Variants in TBL1XR1 observed in about 807,000 individuals in gnomAD.
TBL1XR1 encodes F-box-like/WD repeat-containing protein TBL1XR1.
In TBL1XR1, 5 loss-of-function variants were observed where a neutral mutation model predicts 66.9. The observed-to-expected ratio is 0.07, with a 90% confidence interval of 0.04 to 0.16. The LOEUF (loss-of-function observed/expected upper bound fraction) is 0.16, where lower values mean the gene tolerates loss of function less well. TBL1XR1 is among the 10% of genes least tolerant of loss of function. The pLI is 1.00. For synonymous variants in TBL1XR1, 210 were observed against 206.0 expected, an observed-to-expected ratio of 1.02 and a Z score of -0.17; for missense variants, 238 against 623.2, an observed-to-expected ratio of 0.38 and a Z score of 6.58.
chr3:177,058,659 T>TAA (rs1718117346), intron 3 of TBL1XR1, among the ~76,000 whole-genome samples: 2 of 152,220 alleles, frequency 1.3e-5, no homozygotes, highest in African/African-American at 4.8e-5. Context: ...CTGAAGGGGA[T>TAA]ATAAGCATTT....
chr3:177,044,319 A>G (rs1716022063), intron 10 of TBL1XR1, among the ~76,000 whole-genome samples: 1 of 152,198 alleles, frequency 6.6e-6, no homozygotes, highest in Admixed American at 6.5e-5. Context: ...GGAAATCTGC[A>G]CATAGCTTTT....
intron 2 of TBL1XR1, among the ~76,000 whole-genome samples, chr3:177,077,841 T>A (rs79149340): frequency 6.6e-6 from 1 of 152,360 alleles, no homozygotes; most frequent in East Asian, 1.9e-4. Flanking sequence ...GCAGTTTTAT[T>A]GCTCTTCTCA....
chr3:177,030,565 C>T (rs1713837877), intron 14 of TBL1XR1, among the ~76,000 whole-genome samples: 2 of 152,012 alleles, frequency 1.3e-5, no homozygotes. Flanking sequence ...TGGAGGTGAA[C>T]ACTTTATCTG....
At chr3:177,074,386 G>C (rs142072823) in intron 2 of TBL1XR1, among the ~76,000 whole-genome samples, 1 of 152,118 alleles carries the variant, frequency 6.6e-6, no homozygotes, top group Non-Finnish European at 1.5e-5. Flanking sequence ...AAGTCCTTGC[G>C]TATGAGCCAT....
chr3:177,050,457 G>C (rs775117698), intron 6 of TBL1XR1, 21 bp downstream of exon 6: 10 of 1,611,796 alleles, frequency 6.2e-6, no homozygotes, highest in Middle Eastern at 1.6e-4. Flanking sequence ...AGTCATTTTA[G>C]TATCACTTTG....
intron 1 of TBL1XR1, among the ~76,000 whole-genome samples, chr3:177,188,080 T>C (rs1038242242): frequency 7.3e-5 from 11 of 150,424 alleles, no homozygotes; most frequent in Non-Finnish European, 1.0e-4. Context: ...TACAGGCACA[T>C]GCCACCACAC....
chr3:177,061,502 CT>C (rs1718512957), intron 3 of TBL1XR1, among the ~76,000 whole-genome samples: 1 of 152,156 alleles, frequency 6.6e-6, no homozygotes, highest in Non-Finnish European at 1.5e-5. Context: ...TTTGGACAGT[CT>C]TTGATAATGA....
intron 1 of TBL1XR1, among the ~76,000 whole-genome samples, chr3:177,170,989 C>T (rs1039960341): frequency 6.6e-6 from 1 of 152,114 alleles, no homozygotes; most frequent in African/African-American, 2.4e-5. Context: ...GAGTGAATAA[C>T]TGTGGTTCAA....
rs560201632 is a variant in TBL1XR1 at position 177,058,664 on chromosome 3, G to A, written c.59-4746C>T. ...CCCTCAAAAGCTGAAGGGGATATAA[G>A]CATTTTAAAGAAGGTTTTCATCATT... is the stretch of plus-strand genomic sequence containing the variant. On this transcript the variant is annotated intron_variant, in intron 3 of 15. Transcript: ENST00000457928. Among the ~76,000 whole-genome samples the A allele has an allele frequency of 2.6e-5, 4 of 152,260 alleles. No homozygotes were observed. The South Asian group carries it at 8.3e-4, about 32-fold the overall frequency.
chr3:177,184,076 C>T (rs1414728092), intron 1 of TBL1XR1, among the ~76,000 whole-genome samples: 1 of 152,104 alleles, frequency 6.6e-6, no homozygotes, highest in Non-Finnish European at 1.5e-5. Flanking sequence ...ACAGGTGCTC[C>T]CTTTCTCTGA....
At position 177,085,825 on chromosome 3, in the gene TBL1XR1, T is replaced by C. The variant is rs558743141; in HGVS notation, c.-46+12641A>G. On this transcript the variant is annotated intron_variant, in intron 2 of 15. Coordinates refer to ENST00000457928, the MANE Select transcript of TBL1XR1 (RefSeq NM_024665.7). ...CATCAAGGTGCTTTCAATCCTATTATTCTATGGGTGCCTGAGGTCCACCAA... is the reference window on the plus strand; with the variant it reads ...CATCAAGGTGCTTTCAATCCTATTACTCTATGGGTGCCTGAGGTCCACCAA... Among the ~76,000 whole-genome samples the C allele has an allele frequency of 1.1e-4, 17 of 152,266 alleles. No homozygotes were observed. The South Asian group carries it at 3.1e-3, about 28-fold the overall frequency.
chr3:177,127,074 T>C (rs1727727153), intron 1 of TBL1XR1, among the ~76,000 whole-genome samples: 1 of 152,232 alleles, frequency 6.6e-6, no homozygotes, highest in Non-Finnish European at 1.5e-5. Context: ...AAGAGTAATC[T>C]GCCACAGATT....
chr3:177,139,906 G>C (rs1209837444), intron 1 of TBL1XR1, among the ~76,000 whole-genome samples: 1 of 152,122 alleles, frequency 6.6e-6, no homozygotes, highest in South Asian at 2.1e-4. Context: ...TGCCAAGAAA[G>C]CTTCCAGAAC....
At chr3:177,182,257 C>T (rs1734914709) in intron 1 of TBL1XR1, among the ~76,000 whole-genome samples, 3 of 151,940 alleles carry the variant, frequency 2.0e-5, no homozygotes, top group Admixed American at 2.0e-4. Context: ...GGAATGGTGG[C>T]GTAGTAGTCC....
chr3:177,032,769 A>C (rs1224312507), intron 14 of TBL1XR1: 3 of 407,268 alleles, frequency 7.4e-6, no homozygotes, highest in Non-Finnish European at 1.3e-5. Context: ...AATAATAAAT[A>C]ATAAAACAAA....
At chr3:177,190,397 C>T (rs1343611353) in intron 1 of TBL1XR1, among the ~76,000 whole-genome samples, 1 of 152,120 alleles carries the variant, frequency 6.6e-6, no homozygotes, top group African/African-American at 2.4e-5. Flanking sequence ...TTCACTGCAG[C>T]CTCCGCCTCC....
At chr3:177,171,116 G>A (rs1181400633) in intron 1 of TBL1XR1, among the ~76,000 whole-genome samples, 3 of 151,966 alleles carry the variant, frequency 2.0e-5, no homozygotes, top group South Asian at 2.1e-4. Flanking sequence ...CGAGGCGAGC[G>A]GATCACCTGA....
chr3:177,030,254 A>T (rs1181440849), intron 14 of TBL1XR1, among the ~76,000 whole-genome samples: 1 of 151,994 alleles, frequency 6.6e-6, no homozygotes, highest in Non-Finnish European at 1.5e-5. Flanking sequence ...CCCCAATAGG[A>T]AAATAAATTT....
chr3:177,162,309 G>A (rs1732311410), intron 1 of TBL1XR1, among the ~76,000 whole-genome samples: 1 of 152,184 alleles, frequency 6.6e-6, no homozygotes, highest in Admixed American at 6.5e-5. Flanking sequence ...AGTGAACACA[G>A]GTCAATACAG....
Sources: allele counts gnomAD v4.1 joint callset (sites outside exome capture counted in the v4.1 genomes callset), GRCh38; gene constraint gnomAD v4.1.1; transcripts MANE v1.5; gene names NCBI Gene and HGNC (gene_info 2026-07-23, HGNC 2026-07-21).